The following FAT1 variants were observed in gnomAD, a reference collection of about 807,000 sequenced individuals.
The protein encoded by FAT1 is protocadherin Fat 1.
In FAT1, 171 loss-of-function variants were observed where a neutral mutation model predicts 329.8. That is an observed-to-expected ratio of 0.52 (90% CI 0.46 to 0.59). The LOEUF is 0.59. Among genes scored for constraint, FAT1 ranks in the 20% least tolerant of loss-of-function variants. The pLI is 0.00. For missense variants in FAT1, 5,672 were observed against 5,774.4 expected (o/e 0.98, Z 0.57); for synonymous variants, 2,233 against 2,228.6 (o/e 1.00, Z -0.06).
chr4:186,658,618 C>T (rs539185762), intron 3 of FAT1, among the ~76,000 whole-genome samples: 1 of 152,288 alleles, frequency 6.6e-6, no homozygotes, highest in Non-Finnish European at 1.5e-5. Flanking sequence ...TTCTGGCATT[C>T]GAGGTTTTCC....
intron 1 of FAT1, among the ~76,000 whole-genome samples, chr4:186,721,682 C>T (rs1050380494): frequency 6.6e-6 from 1 of 151,746 alleles, no homozygotes; most frequent in Admixed American, 6.6e-5. Context: ...GGAAAGCAAG[C>T]GGGTAAAGTG....
intron 2 of FAT1, among the ~76,000 whole-genome samples, chr4:186,704,972 T>C (rs1293741597): frequency 6.9e-6 from 1 of 144,632 alleles, no homozygotes; most frequent in Non-Finnish European, 1.5e-5. Flanking sequence ...TTTGAGATAG[T>C]CTGGCTCTGT....
intron 2 of FAT1, among the ~76,000 whole-genome samples, chr4:186,681,641 T>G (rs1042506394): frequency 6.6e-6 from 1 of 152,202 alleles, no homozygotes; most frequent in Non-Finnish European, 1.5e-5. Flanking sequence ...AGCAACGTTG[T>G]TCACTGAGAC....
chr4:186,696,544 G>A (rs907519778), intron 2 of FAT1, among the ~76,000 whole-genome samples: 2 of 152,134 alleles, frequency 1.3e-5, no homozygotes, highest in African/African-American at 4.8e-5. Flanking sequence ...GTGATAAGAG[G>A]AACACGGACG....
At chr4:186,682,194 C>A (rs1421437351) in intron 2 of FAT1, among the ~76,000 whole-genome samples, 1 of 152,160 alleles carries the variant, frequency 6.6e-6, no homozygotes, top group East Asian at 1.9e-4. Context: ...CCTAAGATTT[C>A]TTTCAAAATA....
chr4:186,712,801 T>C (rs1745019821), intron 1 of FAT1, among the ~76,000 whole-genome samples: 1 of 102,184 alleles, frequency 9.8e-6, no homozygotes, highest in Non-Finnish European at 1.9e-5. Flanking sequence ...CACCCAGCTG[T>C]GATGACTAAA....
chr4:186,609,116 G>A lies in FAT1; in HGVS notation c.10206+67C>T, dbSNP rs1163586358. The A allele has an allele frequency of 4.5e-6, 7 of 1,564,852 alleles. No individual in the cohort carries two copies. In the African/African-American group the frequency reaches 9.5e-5, roughly 21 times the overall value. ...CTCACACCACGCCCAGCAGACAAGAGCACAAGGCATTTCTAGTTATTGATG... is the reference window on the plus strand; with the variant it reads ...CTCACACCACGCCCAGCAGACAAGAACACAAGGCATTTCTAGTTATTGATG... On this transcript the variant is annotated intron_variant, in intron 16 of 26. Transcript: ENST00000441802.
In FAT1 at chr4:186,621,657, G is replaced by T. The variant is rs776923373; in HGVS notation, c.4929C>A (p.Gly1643=). ...AAGTTATTTCACTCATTGGTGGACTGCCCTTATCTGTAGCTTTTACCATTA... is the reference window on the plus strand; with the variant it reads ...AAGTTATTTCACTCATTGGTGGACTTCCCTTATCTGTAGCTTTTACCATTA... ...YDLMVKATDK[G]SPPMSEITSV... is the part of the protein sequence containing the mutation. The change falls in exon 10 of 27, where the codon GGC becomes GGA. Residue 1643 remains glycine (G), a synonymous_variant. Transcript: ENST00000441802. The T allele has an allele frequency of 2.5e-6, 4 of 1,613,820 alleles. No individual in the cohort carries two copies. In the African/African-American group the frequency reaches 5.3e-5, roughly 22 times the overall value.
At chr4:186,670,225 A>G (rs78208655) in intron 2 of FAT1, among the ~76,000 whole-genome samples, 1,852 of 152,238 alleles carry the variant, frequency 0.012, 20 homozygotes, top group Non-Finnish European at 0.02. Context: ...CAGCAACACA[A>G]ATTTGCAAAC....
chr4:186,636,128 T>C lies in FAT1; in HGVS notation c.4080A>G (p.Glu1360=). The change falls in exon 6 of 27, where the codon GAA becomes GAG. Residue 1360 remains glutamate, a synonymous_variant. Transcript: ENST00000441802. ...KPSLEPISFE[E]SFFTFTVMES... ...CCATCACAGTAAAGGTAAAAAATGATTCTTCAAATGAAATGGGCTCCAGGG... is the reference window on the plus strand; with the variant it reads ...CCATCACAGTAAAGGTAAAAAATGACTCTTCAAATGAAATGGGCTCCAGGG... 6.2e-7 allele frequency: 1 copy of C among 1,614,008 alleles called. No homozygotes were observed.
Position 186,632,365 on chromosome 4 carries a change from T to C in FAT1, c.4323+1319A>G, listed in dbSNP as rs182701798. Among the ~76,000 whole-genome samples, 38 of 152,342 alleles carry C rather than the reference T, an allele frequency of 2.5e-4. No homozygotes were observed. The East Asian group carries it at 5.8e-3, about 23-fold the overall frequency. ...ATTTCTGGGTAGTCGATTCTGTGAA[T>C]TGGTCTACAGTTATACCCCTTAAAT... On this transcript the variant is annotated intron_variant, in intron 7 of 26. Coordinates refer to ENST00000441802, the MANE Select transcript of FAT1 (RefSeq NM_005245.4).
At chr4:186,712,991 T>C (rs1476199555) in intron 1 of FAT1, among the ~76,000 whole-genome samples, 1 of 133,734 alleles carries the variant, frequency 7.5e-6, no homozygotes, top group Admixed American at 7.3e-5. Context: ...GGGTTCTTTT[T>C]AAAAATAAAC....
intron 3 of FAT1, among the ~76,000 whole-genome samples, chr4:186,653,141 G>C (rs1200011914): frequency 6.6e-6 from 1 of 152,220 alleles, no homozygotes; most frequent in Admixed American, 6.5e-5. Context: ...AAATGGGGGA[G>C]ATGATAAAGA....
rs2126382811 is a variant in FAT1, at chr4:186,595,792, C to T, written c.13035G>A (p.Lys4345=). The part of the protein sequence containing the change: ...KVVDLDPCLS[K]KPLEEKPSQP... The stretch of plus-strand genomic sequence containing the variant: ...GGGAAGGCTTTTCCTCTAGAGGCTT[C>T]TTGGAAAGACAGGGATCAAGATCCA... The change falls in exon 26 of 27, where the codon AAG becomes AAA. Residue 4345 remains lysine, a synonymous_variant. Coordinates refer to ENST00000441802, the MANE Select transcript of FAT1 (RefSeq NM_005245.4). 2 of 1,613,932 alleles carry T rather than the reference C, an allele frequency of 1.2e-6. No homozygotes were observed. The highest frequency in any genetic ancestry group is 8.5e-7 in the Non-Finnish European group (1 of 1,179,882).
Position 186,709,268 on chromosome 4 carries a change from CTG to C in FAT1, c.558_559del (p.Tyr186Ter). The C allele has an allele frequency of 6.2e-7, 1 of 1,613,978 alleles. No homozygotes were observed. The highest frequency in any genetic ancestry group is 8.5e-7 in the Non-Finnish European group (1 of 1,179,892). On this transcript the variant is annotated stop_gained and frameshift_variant, in exon 2 of 27. Coordinates refer to ENST00000441802, the MANE Select transcript of FAT1 (RefSeq NM_005245.4). LOFTEE classifies it high-confidence loss of function. ...AAACATATCTGTTCGATCTTTAAAA[CTG>C]TAGTAAAATTCCCCGTTGGTTCCTA...
At chr4:186,624,708 C>G (rs939313333) in intron 9 of FAT1, among the ~76,000 whole-genome samples, 1 of 152,184 alleles carries the variant, frequency 6.6e-6, no homozygotes, top group Non-Finnish European at 1.5e-5. Flanking sequence ...TGCAGTGTTA[C>G]GTACTGAATT....
rs1374100735 is a variant in FAT1, at chr4:186,708,830, T to C, written c.998A>G (p.Asn333Ser). ...IDWDSHPFGYNLTLQAKDKGT... is the reference protein window; with the variant it reads ...IDWDSHPFGYSLTLQAKDKGT... The stretch of plus-strand genomic sequence containing the variant: ...TTTATCTTTAGCCTGTAGTGTGAGA[T>C]TGTAGCCGAAAGGATGACTGTCCCA... Residue 333 changes from asparagine (N) to serine (S), a missense_variant, in exon 2 of 27, where the codon AAT (asparagine) becomes AGT (serine). This residue lies in a region of FAT1 where 3,966 missense variants were observed against 3,915.2 expected (regional missense o/e 1.01). Transcript: ENST00000441802. 4 of 1,613,836 alleles carry C rather than the reference T, an allele frequency of 2.5e-6. No homozygotes were observed. The highest frequency in any genetic ancestry group is 3.4e-6 in the Non-Finnish European group (4 of 1,179,898).
chr4:186,710,660 C>T (rs1744905785), intron 1 of FAT1, among the ~76,000 whole-genome samples: 1 of 152,192 alleles, frequency 6.6e-6, no homozygotes, highest in African/African-American at 2.4e-5. Flanking sequence ...ATCACCACTG[C>T]TGTCAACAAC....
At chr4:186,709,979 G>A (rs1744881056) in intron 1 of FAT1, 134 bp from the exon 2 acceptor site, 1 of 773,742 alleles carries the variant, frequency 1.3e-6, no homozygotes, top group Admixed American at 3.2e-5. Flanking sequence ...GGTTTGGGAT[G>A]TTTTTCATGT....
Sources: allele counts gnomAD v4.1 joint callset (sites outside exome capture counted in the v4.1 genomes callset), GRCh38; gene constraint gnomAD v4.1.1; regional missense constraint gnomAD v4.1.1; transcripts MANE v1.5; gene names NCBI Gene and HGNC (gene_info 2026-07-23, HGNC 2026-07-21).